Variants in KPNA6 observed in about 807,000 individuals in gnomAD.
The protein encoded by KPNA6 is importin subunit alpha-7.
KPNA6 carries 9 observed loss-of-function variants against 72.0 expected under a neutral mutation model. The observed-to-expected ratio is 0.13, with a 90% confidence interval of 0.08 to 0.22. The LOEUF (loss-of-function observed/expected upper bound fraction) is 0.22, where lower values mean the gene tolerates loss of function less well. Among genes scored for constraint, KPNA6 ranks in the 10% least tolerant of loss-of-function variants. The pLI is 1.00. For synonymous variants in KPNA6, 219 were observed against 242.1 expected (o/e 0.90, Z 0.89); for missense variants, 374 against 655.7 (o/e 0.57, Z 4.69).
chr1:32,158,421 GTA>G (rs1642182524), intron 5 of KPNA6, 60 bp downstream of exon 5: 1 of 995,272 alleles, frequency 1.0e-6, no homozygotes, highest in African/African-American at 1.6e-5. Context: ...TACATAGTAG[GTA>G]TATATATTTA....
chr1:32,133,924 C>G (rs1641687679), intron 1 of KPNA6, among the ~76,000 whole-genome samples: 2 of 151,510 alleles, frequency 1.3e-5, no homozygotes. Context: ...TCTGTAATCC[C>G]AGCTACTGCG....
At chr1:32,154,497 G>C in intron 1 of KPNA6, 91 bp from the exon 2 acceptor site, 1 of 1,395,708 alleles carries the variant, frequency 7.2e-7, no homozygotes, top group Non-Finnish European at 9.9e-7. Context: ...CCAGAGTAGG[G>C]GAGGGTGAAG....
intron 1 of KPNA6, among the ~76,000 whole-genome samples, chr1:32,143,580 AAAAAAAG>A (rs976721705): frequency 4.1e-5 from 6 of 147,466 alleles, no homozygotes; most frequent in African/African-American, 1.3e-4. Context: ...CTTAAAAAAA[AAAAAAAG>A]AAAAGAAAAA....
chr1:32,135,969 T>G (rs1235726997), intron 1 of KPNA6, among the ~76,000 whole-genome samples: 1 of 152,122 alleles, frequency 6.6e-6, no homozygotes, highest in African/African-American at 2.4e-5. Flanking sequence ...AACAGGACAC[T>G]TAAAAGTCTG....
chr1:32,129,640 T>C (rs1010873918), intron 1 of KPNA6, among the ~76,000 whole-genome samples: 2 of 152,112 alleles, frequency 1.3e-5, no homozygotes, highest in Non-Finnish European at 2.9e-5. Flanking sequence ...ACTGCAGCCT[T>C]GATCTCCCGG....
intron 5 of KPNA6, 38 bp downstream of exon 5, chr1:32,158,399 A>T: frequency 7.8e-7 from 1 of 1,282,074 alleles, no homozygotes; most frequent in East Asian, 2.3e-5. Flanking sequence ...TTGTCTTTTA[A>T]TTTTTGGGGG....
intron 6 of KPNA6, among the ~76,000 whole-genome samples, chr1:32,159,821 ACT>A (rs1491358298): frequency 2.0e-5 from 3 of 151,776 alleles, no homozygotes; most frequent in African/African-American, 4.8e-5. Flanking sequence ...TGTGGAAAAA[ACT>A]CTATACATTT....
At chr1:32,151,906 A>C (rs1642039676) in intron 1 of KPNA6, among the ~76,000 whole-genome samples, 1 of 152,258 alleles carries the variant, frequency 6.6e-6, no homozygotes, top group Non-Finnish European at 1.5e-5. Context: ...TCAAGATACA[A>C]CAGTTCTAAA....
rs1642180819 is a variant in KPNA6, at chr1:32,158,355, A to C, written c.420A>C (p.Thr140=). 1 of 1,606,288 alleles carries C rather than the reference A, an allele frequency of 6.2e-7. No homozygotes were observed. The highest frequency in any genetic ancestry group is 1.1e-5 in the South Asian group (1 of 90,834). The change falls in exon 5 of 14, where the codon ACA becomes ACC. Residue 140 remains threonine (T), a synonymous_variant. Transcript: ENST00000373625. ...TTCTGAAGAGGAATGAGAATTGTAC[A>C]TTACAGGTGAGGCCTGAAGGGAAGG... The part of the protein sequence containing the change: ...VEFLKRNENC[T]LQFEAAWALT...
At chr1:32,159,273 TGTTTTGTGAG>T in intron 5 of KPNA6, 117 bp from the exon 6 acceptor site, 1 of 917,498 alleles carries the variant, frequency 1.1e-6, no homozygotes, top group South Asian at 1.7e-5. Context: ...GGCTTGCTTG[TGTTTTGTGAG>T]GTTTTGTTTT....
chr1:32,128,641 T>A (rs1641584388), intron 1 of KPNA6, among the ~76,000 whole-genome samples: 1 of 151,770 alleles, frequency 6.6e-6, no homozygotes, highest in Admixed American at 6.6e-5. Context: ...TATGGTCCCA[T>A]TGTGGACTGA....
At chr1:32,153,488 T>A (rs1338355940) in intron 1 of KPNA6, among the ~76,000 whole-genome samples, 1 of 150,654 alleles carries the variant, frequency 6.6e-6, no homozygotes, top group Non-Finnish European at 1.5e-5. Flanking sequence ...GGAGAATCAT[T>A]TGAATCTGGG....
In KPNA6 at chr1:32,108,069, A is replaced by G; in HGVS notation, c.-62A>G. 6.2e-7 allele frequency: 1 copy of G among 1,613,410 alleles called. No homozygotes were observed. Among genetic ancestry groups the G allele is most frequent in the Non-Finnish European group, 8.5e-7 (1 of 1,179,608 alleles). On this transcript the variant is annotated 5_prime_UTR_variant, in exon 1 of 14. Transcript: ENST00000373625. ...TACAGATCCGCCATATTGTCTACTG[A>G]AAGCTGCCGCTGAAGCTGCCGCCGT...
At chr1:32,108,408 G>A (rs1641182955) in intron 1 of KPNA6, among the ~76,000 whole-genome samples, 2 of 152,240 alleles carry the variant, frequency 1.3e-5, no homozygotes, top group Admixed American at 1.3e-4. Flanking sequence ...CGTGTTCCTG[G>A]GAGGTAGAAA....
chr1:32,124,488 C>T (rs988383688), intron 1 of KPNA6, among the ~76,000 whole-genome samples: 1 of 149,196 alleles, frequency 6.7e-6, no homozygotes, highest in African/African-American at 2.5e-5. Context: ...CCAGCCTGGG[C>T]AACATAGTGA....
At chr1:32,148,102 G>A (rs1641962768) in intron 1 of KPNA6, among the ~76,000 whole-genome samples, 1 of 151,942 alleles carries the variant, frequency 6.6e-6, no homozygotes, top group Non-Finnish European at 1.5e-5. Flanking sequence ...TCTCAATGTG[G>A]ATATTTTCTT....
rs1246572906 is a variant in KPNA6 at position 32,172,157 on chromosome 1, AAG to A, written c.*1267_*1268del. ...GTAGGATACTGTGAGGAAGACCAAA[AAG>A]AGATATGGATGCTTCCTCGCTCAGG... On this transcript the variant is annotated 3_prime_UTR_variant, in exon 14 of 14. Coordinates refer to ENST00000373625, the MANE Select transcript of KPNA6 (RefSeq NM_012316.5). 1 of 152,162 alleles carries A rather than the reference AAG, an allele frequency of 6.6e-6. No homozygotes were observed. Among genetic ancestry groups the A allele is most frequent in the Non-Finnish European group, 1.5e-5 (1 of 68,042 alleles). The allele number at this position is 152,162 out of a possible 1,614,324, so 9.4% of individuals were successfully genotyped here.
chr1:32,120,891 CAG>C (rs1178076678), intron 1 of KPNA6, among the ~76,000 whole-genome samples: 1 of 106,500 alleles, frequency 9.4e-6, no homozygotes, highest in Non-Finnish European at 1.9e-5. Context: ...TTTTTTTTGA[CAG>C]AGTCTTGCTC....
intron 2 of KPNA6, among the ~76,000 whole-genome samples, chr1:32,155,915 A>ATTTTTTTTTTTT (rs747284319): frequency 9.5e-6 from 1 of 105,050 alleles, no homozygotes; most frequent in African/African-American, 3.8e-5. Flanking sequence ...ATTTTTGTGG[A>ATTTTTTTTTTTT]TTTTTTTTTT....
Sources: allele counts gnomAD v4.1 joint callset (sites outside exome capture counted in the v4.1 genomes callset), GRCh38; gene constraint gnomAD v4.1.1; transcripts MANE v1.5; gene names NCBI Gene and HGNC (gene_info 2026-07-23, HGNC 2026-07-21).